The following LIPJ variants were observed in gnomAD, a reference collection of about 807,000 sequenced individuals.
LIPJ encodes the protein lipase member J.
LIPJ carries 33 observed loss-of-function variants against 39.8 expected under a neutral mutation model. The ratio of observed to expected loss-of-function variants is 0.83; its 90% confidence interval spans 0.63 to 1.11. LIPJ has a LOEUF of 1.11. LIPJ is among the 50% of genes least tolerant of loss of function. The pLI is 0.00. For synonymous variants in LIPJ, 128 were observed against 139.2 expected (o/e 0.92, Z 0.57); for missense variants, 422 against 427.9 (o/e 0.99, Z 0.12).
At chr10:88,605,919 A>T (rs1851651277) in intron 10 of LIPJ, among the ~76,000 whole-genome samples, 2 of 152,208 alleles carry the variant, frequency 1.3e-5, no homozygotes, top group African/African-American at 4.8e-5. Context: ...AACCCGGATA[A>T]GTCCAGAAAA....
chr10:88,587,689 A>C (rs1236480100), intron 2 of LIPJ, among the ~76,000 whole-genome samples: 1 of 152,096 alleles, frequency 6.6e-6, no homozygotes, highest in Non-Finnish European at 1.5e-5. Flanking sequence ...CTGCCTTATG[A>C]AAGTTTGCCT....
intron 8 of LIPJ, among the ~76,000 whole-genome samples, chr10:88,598,122 C>T (rs369757960): frequency 6.2e-4 from 95 of 152,044 alleles, no homozygotes; most frequent in African/African-American, 2.0e-3. Context: ...AAAATTTTCA[C>T]GCACAGTGTG....
upstream of LIPJ, among the ~76,000 whole-genome samples, chr10:88,585,914 A>C (rs2576167): frequency 0.81 from 123,620 of 152,178 alleles, 50,968 homozygotes; most frequent in East Asian, 0.99. Context: ...ATAATATATT[A>C]TCATCCTACA....
chr10:88,606,636 C>T (rs1420921257), intron 10 of LIPJ, 38 bp from the exon 11 acceptor site: 3 of 1,249,388 alleles, frequency 2.4e-6, no homozygotes, highest in Non-Finnish European at 3.5e-6. Context: ...ACTGTATCAT[C>T]TCCTATGAAA....
rs1851269455 is a variant in LIPJ at position 88,596,828 on chromosome 10, AT to A, written c.618del (p.Phe206LeufsTer25). On this transcript the variant is annotated frameshift_variant, in exon 8 of 11. Coordinates refer to ENST00000371939, the Ensembl canonical transcript of LIPJ. LOFTEE classifies it high-confidence loss of function. ...ACAAAGACTTCTTGCCTAAAACCTC[AT>A]TTAAAAAATTCATTGGTTCAAAGCT... 2 of 1,602,666 alleles carry A rather than the reference AT, an allele frequency of 1.2e-6. No homozygotes were observed. Among genetic ancestry groups the A allele is most frequent in the South Asian group, 2.2e-5 (2 of 89,410 alleles).
At chr10:88,591,417 T>G (rs1175251933) in exon 4 of LIPJ, 1 of 1,603,840 alleles carries the variant, frequency 6.2e-7, no homozygotes, top group Admixed American at 1.7e-5. Flanking sequence ...TGATGAAGAA[T>G]ATGATATTGT....
At chr10:88,594,143 A>C in exon 5 of LIPJ, 3 of 1,603,308 alleles carry the variant, frequency 1.9e-6, no homozygotes, top group Non-Finnish European at 1.7e-6. Context: ...CTGGGCTTTC[A>C]GGTACAAATA....
chr10:88,608,733 A>G (rs1214345992), downstream of LIPJ, among the ~76,000 whole-genome samples: 2 of 152,238 alleles, frequency 1.3e-5, no homozygotes, highest in East Asian at 3.8e-4. Flanking sequence ...GACATCTGAA[A>G]TTATTATACA....
the LIPJ span, among the ~76,000 whole-genome samples, chr10:88,621,963 G>C: frequency 6.6e-6 from 1 of 152,302 alleles, no homozygotes; most frequent in East Asian, 1.9e-4. Flanking sequence ...GAGAGTCGGG[G>C]ATGCATCTGG....
At chr10:88,602,778 T>A (rs753971062) in intron 9 of LIPJ, 131 bp downstream of exon 9, 5 of 477,746 alleles carry the variant, frequency 1.0e-5, no homozygotes, top group African/African-American at 2.0e-5. Flanking sequence ...ATTATATATT[T>A]CTATAATTCC....
At chr10:88,612,883 G>A in the LIPJ span, among the ~76,000 whole-genome samples, 23 of 151,960 alleles carry the variant, frequency 1.5e-4, no homozygotes, top group Admixed American at 6.6e-4. Flanking sequence ...TATGACAAAC[G>A]TATTTAACAG....
chr10:88,594,943 C>T (rs1349356392), intron 6 of LIPJ, among the ~76,000 whole-genome samples, 167 bp downstream of exon 6: 1 of 151,700 alleles, frequency 6.6e-6, no homozygotes, highest in Non-Finnish European at 1.5e-5. Context: ...GCTTTGATCC[C>T]CCATGGAGTC....
chr10:88,603,546 C>T (rs556355362), intron 9 of LIPJ, among the ~76,000 whole-genome samples: 1 of 152,170 alleles, frequency 6.6e-6, no homozygotes, highest in Non-Finnish European at 1.5e-5. Flanking sequence ...TTTCTCAGAT[C>T]AAAAGACCAG....
At chr10:88,591,638 T>C in intron 4 of LIPJ, 140 bp downstream of exon 4, 1 of 633,894 alleles carries the variant, frequency 1.6e-6, no homozygotes, top group East Asian at 3.1e-5. Context: ...TCTCGCATGC[T>C]ACAAGAAGAG....
In LIPJ at chr10:88,596,422, T is replaced by C. The variant is rs1380645302; in HGVS notation, c.576+6T>C. 2.0e-6 allele frequency: 3 copies of C among 1,500,462 alleles called. No individual in the cohort carries two copies. The highest frequency in any genetic ancestry group is 2.7e-6 in the Non-Finnish European group (3 of 1,126,240). 92.9% of individuals were successfully genotyped at this position (1,500,462 alleles called of 1,614,324 possible). On this transcript the variant is annotated splice_donor_region_variant and intron_variant, in intron 7 of 10. Transcript: ENST00000371939. ...AATGGAAGTCAATAGTCATGGTATGTTCTACCTTTATTTTATGTCATTGAT... is the reference window on the plus strand; with the variant it reads ...AATGGAAGTCAATAGTCATGGTATGCTCTACCTTTATTTTATGTCATTGAT...
chr10:88,615,305 ATC>A, the LIPJ span, among the ~76,000 whole-genome samples: 47 of 152,328 alleles, frequency 3.1e-4, no homozygotes, highest in Non-Finnish European at 6.3e-4. Context: ...AGAAATTCAA[ATC>A]TCTCTGATAA....
intron 2 of LIPJ, among the ~76,000 whole-genome samples, chr10:88,589,815 C>A (rs1851021450): frequency 6.6e-6 from 1 of 151,582 alleles, no homozygotes; most frequent in Admixed American, 6.6e-5. Flanking sequence ...TTATAACAAT[C>A]CTGAGAAGTA....
upstream of LIPJ, chr10:88,583,356 A>C (rs1005529112): frequency 1.4e-6 from 2 of 1,402,956 alleles, no homozygotes; most frequent in Non-Finnish European, 1.8e-6. Flanking sequence ...GGCGGAAAGG[A>C]GGCGGCCGGA....
At chr10:88,612,632 G>C in the LIPJ span, among the ~76,000 whole-genome samples, 2 of 152,080 alleles carry the variant, frequency 1.3e-5, no homozygotes, top group South Asian at 4.2e-4. Flanking sequence ...AGTTAAAAAA[G>C]ACAAAGAGAG....
Sources: gnomAD v4.1 joint callset for allele counts (sites outside exome capture counted in the v4.1 genomes callset) on GRCh38, gnomAD v4.1.1 for gene constraint, MANE v1.5 for transcripts, NCBI Gene and HGNC (gene_info 2026-07-23, HGNC 2026-07-21) for gene names.